Variants in NTM observed in about 807,000 individuals in gnomAD.
NTM encodes IgLON family member 2.
Under a neutral mutation model 42.1 loss-of-function variants are expected in NTM, and 13 were observed. That is an observed-to-expected ratio of 0.31 (90% CI 0.20 to 0.49). The LOEUF is 0.49. Among genes scored for constraint, NTM ranks in the 20% least tolerant of loss-of-function variants. The pLI is 0.99. For missense variants in NTM, 373 were observed against 452.8 expected (o/e 0.82, Z 1.60); for synonymous variants, 187 against 179.2 (o/e 1.04, Z -0.35).
rs375654401 is a variant in NTM, at chr11:132,310,114, C to T, written c.664C>T (p.Pro222Ser). 46 of 1,585,702 alleles carry T rather than the reference C, an allele frequency of 2.9e-5. 1 individual carries two copies. Among genetic ancestry groups the T allele is most frequent in the Non-Finnish European group, 3.6e-5 (42 of 1,171,106 alleles). Residue 222 changes from proline to serine, a missense_variant and splice_region_variant, in exon 6 of 9, where the codon CCA becomes TCA. This residue lies in a region of NTM where 312 missense variants were observed against 353.5 expected (regional missense o/e 0.88). Coordinates refer to ENST00000683400, the MANE Select transcript of NTM (RefSeq NM_001352005.2). ...VRRVKVTVNYPPYISEAKGTG... is the reference protein window; with the variant it reads ...VRRVKVTVNYSPYISEAKGTG... The stretch of plus-strand genomic sequence containing the variant: ...TATGAGACATCTTCTTTTTGCAGAT[C>T]CACCATACATTTCAGAAGCCAAGGG...
chr11:131,801,201 G>GT (rs1352370895), intron 1 of NTM, among the ~76,000 whole-genome samples: 2 of 152,166 alleles, frequency 1.3e-5, no homozygotes, highest in Non-Finnish European at 2.9e-5. Flanking sequence ...GCAGAGGAAT[G>GT]TTTTTTTCTG....
At chr11:132,075,326 C>A (rs1222041388) in intron 2 of NTM, among the ~76,000 whole-genome samples, 2 of 152,066 alleles carry the variant, frequency 1.3e-5, no homozygotes, top group African/African-American at 2.4e-5. Flanking sequence ...AGTGTTCTTG[C>A]TGCTATAAAA....
rs1354370826 is a variant in NTM, at chr11:131,825,076, G to A, written c.83-86488G>A. On this transcript the variant is annotated intron_variant, in intron 1 of 8. Transcript: ENST00000683400. ...GTTGGCAGGGTGGTTCCTTCTGAGGGCTATGAGGGAGAATCTGTTCCAGGC... is the reference window on the plus strand; with the variant it reads ...GTTGGCAGGGTGGTTCCTTCTGAGGACTATGAGGGAGAATCTGTTCCAGGC... 1.4e-4 allele frequency among the ~76,000 whole-genome samples: 22 copies of A among 152,176 alleles called. 1 individual carries two copies.
chr11:132,029,245 T>C (rs990379573), intron 2 of NTM, among the ~76,000 whole-genome samples: 1 of 152,130 alleles, frequency 6.6e-6, no homozygotes, highest in Admixed American at 6.5e-5. Flanking sequence ...AATGTGCAGG[T>C]TAGTTACATA....
intron 2 of NTM, among the ~76,000 whole-genome samples, chr11:131,965,952 A>C (rs1263946287): frequency 7.3e-5 from 3 of 41,236 alleles, no homozygotes; most frequent in African/African-American, 3.0e-4. Context: ...GAAGGAAAGG[A>C]GGGAGGGAGG....
chr11:132,284,966 C>T (rs2094169219), intron 4 of NTM: 1 of 152,588 alleles, frequency 6.6e-6, no homozygotes, highest in Admixed American at 6.5e-5. Flanking sequence ...GGTGGGAGCT[C>T]ATCCACCTGG....
At chr11:131,940,483 G>A (rs1251910141) in intron 2 of NTM, among the ~76,000 whole-genome samples, 1 of 152,170 alleles carries the variant, frequency 6.6e-6, no homozygotes, top group Non-Finnish European at 1.5e-5. Flanking sequence ...TTTTACAGAT[G>A]GTGCAAAGTA....
chr11:131,973,214 T>C (rs1428495186), intron 2 of NTM, among the ~76,000 whole-genome samples: 1 of 152,194 alleles, frequency 6.6e-6, no homozygotes. Context: ...AGATGTCATA[T>C]CACCTCTAAT....
chr11:131,432,408 A>G (rs148076624), intron 1 of NTM, among the ~76,000 whole-genome samples: 13 of 152,286 alleles, frequency 8.5e-5, no homozygotes, highest in Non-Finnish European at 1.3e-4. Context: ...CTGACAGAGG[A>G]TCTTCTTTAC....
At chr11:131,654,576 C>T (rs938259861) in intron 1 of NTM, among the ~76,000 whole-genome samples, 2 of 152,114 alleles carry the variant, frequency 1.3e-5, no homozygotes, top group African/African-American at 2.4e-5. Context: ...AATGTGACCC[C>T]CAAGGTTGGA....
chr11:132,114,998 C>T (rs1242916714), intron 2 of NTM, among the ~76,000 whole-genome samples: 2 of 152,128 alleles, frequency 1.3e-5, no homozygotes, highest in Admixed American at 6.6e-5. Flanking sequence ...GTAACATTTT[C>T]GGCAACATGG....
chr11:131,889,621 G>A (rs969059410), intron 1 of NTM, among the ~76,000 whole-genome samples: 7 of 152,180 alleles, frequency 4.6e-5, no homozygotes, highest in African/African-American at 1.4e-4. Context: ...CTAAACAACA[G>A]ACTCAGTGGA....
intron 1 of NTM, among the ~76,000 whole-genome samples, chr11:131,400,454 A>T (rs1009974789): frequency 6.6e-6 from 1 of 152,126 alleles, no homozygotes; most frequent in Non-Finnish European, 1.5e-5. Flanking sequence ...AAAGCATGGG[A>T]TTGAGAACTA....
chr11:132,326,110 A>G (rs928029404), intron 7 of NTM, among the ~76,000 whole-genome samples: 5 of 152,172 alleles, frequency 3.3e-5, no homozygotes, highest in African/African-American at 1.2e-4. Context: ...TGTCACATGT[A>G]TACATATGTA....
chr11:131,605,667 C>T (rs184760444), intron 1 of NTM: 42 of 297,696 alleles, frequency 1.4e-4, no homozygotes, highest in African/African-American at 9.3e-4. Flanking sequence ...TGATGTTAAC[C>T]CTGGGTGGTT....
chr11:132,073,188 C>T (rs866109342), intron 2 of NTM, among the ~76,000 whole-genome samples: 25 of 152,026 alleles, frequency 1.6e-4, no homozygotes, highest in African/African-American at 4.6e-4. Context: ...GTATTAACAA[C>T]GAGGAGCCAA....
intron 1 of NTM, among the ~76,000 whole-genome samples, chr11:131,436,719 A>G (rs1949166586): frequency 6.6e-6 from 1 of 151,738 alleles, no homozygotes; most frequent in Non-Finnish European, 1.5e-5. Context: ...TTTTGTTGAT[A>G]TTTTCAAAAA....
intron 1 of NTM, among the ~76,000 whole-genome samples, chr11:131,753,062 C>T (rs1339431850): frequency 6.6e-6 from 1 of 150,742 alleles, no homozygotes; most frequent in Non-Finnish European, 1.5e-5. Context: ...CAAACAACCC[C>T]ATCAAAAAGT....
chr11:131,860,063 G>A (rs754709689), intron 1 of NTM, among the ~76,000 whole-genome samples: 2 of 152,148 alleles, frequency 1.3e-5, no homozygotes, highest in Non-Finnish European at 2.9e-5. Flanking sequence ...CACTCCTGGG[G>A]GATGATGCGT....
Sources: gnomAD v4.1 joint callset for allele counts (sites outside exome capture counted in the v4.1 genomes callset) on GRCh38, gnomAD v4.1.1 for gene constraint, gnomAD v4.1.1 regional missense constraint, MANE v1.5 for transcripts, NCBI Gene and HGNC (gene_info 2026-07-23, HGNC 2026-07-21) for gene names.